Variants in FOCAD observed in about 807,000 individuals in gnomAD.
FOCAD encodes the protein KIAA1797.
Under a neutral mutation model 225.6 loss-of-function variants are expected in FOCAD, and 198 were observed. The observed-to-expected ratio is 0.88, with a 90% confidence interval of 0.78 to 0.99. The LOEUF (loss-of-function observed/expected upper bound fraction) is 0.99. Among genes scored for constraint, FOCAD ranks in the 50% least tolerant of loss-of-function variants. The pLI is 0.00. For missense variants in FOCAD, 2,713 were observed against 2,123.6 expected (o/e 1.28, Z -5.46); for synonymous variants, 897 against 755.0 (o/e 1.19, Z -3.08).
intron 15 of FOCAD, among the ~76,000 whole-genome samples, chr9:20,846,895 A>G (rs1408666461): frequency 6.6e-6 from 1 of 152,122 alleles, no homozygotes; most frequent in Non-Finnish European, 1.5e-5. Flanking sequence ...ACATCTTCAC[A>G]GTAACTTTGT....
chr9:20,844,336 C>T (rs1208925694), intron 15 of FOCAD, among the ~76,000 whole-genome samples: 2 of 144,936 alleles, frequency 1.4e-5, no homozygotes, highest in African/African-American at 2.5e-5. Context: ...GGTTCTAACC[C>T]TCAGGAAATT....
At chr9:20,954,990 C>G (rs1202937754) in intron 35 of FOCAD, among the ~76,000 whole-genome samples, 1 of 152,118 alleles carries the variant, frequency 6.6e-6, no homozygotes, top group Non-Finnish European at 1.5e-5. Flanking sequence ...TTCAATATAC[C>G]CAGCTCATTT....
chr9:20,774,024 A>G (rs1339815411), intron 8 of FOCAD, among the ~76,000 whole-genome samples: 1 of 152,206 alleles, frequency 6.6e-6, no homozygotes, highest in East Asian at 1.9e-4. Flanking sequence ...AGATTCTCAC[A>G]GGAGCATGAA....
Position 20,978,386 on chromosome 9 carries a change from C to T in FOCAD, c.4309C>T (p.Gln1437Ter). The T allele has an allele frequency of 1.2e-6, 2 of 1,611,968 alleles. No individual in the cohort carries two copies. Among genetic ancestry groups the T allele is most frequent in the South Asian group, 1.1e-5 (1 of 90,694 alleles). ...CCTTGAAATTATGGTGACCCAGGCA[C>T]AGTCATCCCAGAATGCAGCTGCACT... ...LCLEIMVTQAQSSQNAAALLG... is the reference protein window; with the variant it reads ...LCLEIMVTQA The change falls in exon 37 of 44, where the codon CAG becomes TAG. Residue 1437 changes from glutamine to a stop codon, truncating the protein, a stop_gained. Coordinates refer to ENST00000338382, the MANE Select transcript of FOCAD (RefSeq NM_001375567.1). LOFTEE classifies it high-confidence loss of function.
chr9:20,963,880 T>A (rs917897503), intron 35 of FOCAD, among the ~76,000 whole-genome samples: 1 of 152,184 alleles, frequency 6.6e-6, no homozygotes, highest in African/African-American at 2.4e-5. Context: ...CACCTGATTT[T>A]GCCTTGCTTG....
intron 15 of FOCAD, among the ~76,000 whole-genome samples, chr9:20,830,102 T>A (rs1025213933): frequency 1.3e-5 from 2 of 152,104 alleles, no homozygotes; most frequent in African/African-American, 4.8e-5. Context: ...AAGATAAAAT[T>A]CACTTGCTGT....
chr9:20,769,926 T>G, intron 7 of FOCAD, 106 bp from the exon 8 acceptor site: 1 of 991,956 alleles, frequency 1.0e-6, no homozygotes, highest in Non-Finnish European at 1.5e-6. Context: ...TTTAAGTCTT[T>G]ATAGGTTTAG....
chr9:20,961,210 C>G (rs1189484877), intron 35 of FOCAD, among the ~76,000 whole-genome samples: 2 of 151,232 alleles, frequency 1.3e-5, no homozygotes, highest in East Asian at 3.9e-4. Context: ...TCTTTCTCTC[C>G]CTCTCTCTCT....
intron 11 of FOCAD, among the ~76,000 whole-genome samples, chr9:20,804,494 T>A (rs1184770082): frequency 6.6e-6 from 1 of 152,126 alleles, no homozygotes; most frequent in Non-Finnish European, 1.5e-5. Context: ...TGAAGAATCA[T>A]GCATGCATAT....
intron 2 of FOCAD, among the ~76,000 whole-genome samples, chr9:20,660,327 T>A (rs1312123454): frequency 1.3e-5 from 2 of 152,162 alleles, no homozygotes; most frequent in Non-Finnish European, 2.9e-5. Flanking sequence ...TATTCCCATT[T>A]TAAAGATGAG....
intron 16 of FOCAD, among the ~76,000 whole-genome samples, chr9:20,864,247 T>G (rs997959602): frequency 1.3e-5 from 2 of 152,058 alleles, no homozygotes; most frequent in Non-Finnish European, 2.9e-5. Context: ...GCTTCTTAAG[T>G]CATTTCTATC....
intron 15 of FOCAD, among the ~76,000 whole-genome samples, chr9:20,854,264 T>C (rs1228013254): frequency 1.3e-5 from 2 of 151,800 alleles, no homozygotes; most frequent in African/African-American, 2.4e-5. Context: ...GCACAGGAAT[T>C]AGAAGGAAAG....
intron 1 of FOCAD, among the ~76,000 whole-genome samples, chr9:20,707,019 A>G (rs551067424): frequency 6.6e-6 from 1 of 152,328 alleles, no homozygotes; most frequent in Admixed American, 6.5e-5. Flanking sequence ...ACACCACTGG[A>G]GAGAACTTGA....
chr9:20,884,440 G>T (rs993686232), intron 20 of FOCAD, among the ~76,000 whole-genome samples: 3 of 151,952 alleles, frequency 2.0e-5, no homozygotes, highest in Admixed American at 2.0e-4. Context: ...GGGATTTCAG[G>T]TGTTCGCCAC....
At chr9:20,840,062 G>C (rs1826365219) in intron 15 of FOCAD, among the ~76,000 whole-genome samples, 1 of 152,032 alleles carries the variant, frequency 6.6e-6, no homozygotes, top group Non-Finnish European at 1.5e-5. Flanking sequence ...GGTTACTATA[G>C]CTTTGTAATG....
chr9:20,993,417 G>C (rs1034275133), intron 43 of FOCAD, 89 bp downstream of exon 43: 1 of 1,096,670 alleles, frequency 9.1e-7, no homozygotes, highest in Non-Finnish European at 1.4e-6. Context: ...GTTGCAGGTT[G>C]AGTATCTCTT....
chr9:20,704,858 G>T (rs1022309523), intron 1 of FOCAD, among the ~76,000 whole-genome samples: 2 of 151,834 alleles, frequency 1.3e-5, no homozygotes, highest in Admixed American at 1.3e-4. Context: ...TTCCTATTTT[G>T]GTAACTTTAT....
chr9:20,799,266 A>G (rs1183659243), intron 11 of FOCAD, among the ~76,000 whole-genome samples: 1 of 152,178 alleles, frequency 6.6e-6, no homozygotes, highest in Non-Finnish European at 1.5e-5. Context: ...TTTACTTCCA[A>G]GTATGTGGTC....
intron 27 of FOCAD, among the ~76,000 whole-genome samples, chr9:20,931,855 G>C (rs1259205536): frequency 6.8e-6 from 1 of 146,668 alleles, no homozygotes; most frequent in Non-Finnish European, 1.5e-5. Context: ...CTGATGTTGT[G>C]CCACTGCACT....
Sources: allele counts gnomAD v4.1 joint callset (sites outside exome capture counted in the v4.1 genomes callset), GRCh38; gene constraint gnomAD v4.1.1; transcripts MANE v1.5; gene names NCBI Gene and HGNC (gene_info 2026-07-23, HGNC 2026-07-21).